The following PLXNC1 variants were observed in gnomAD, a reference collection of about 807,000 sequenced individuals.
The protein encoded by PLXNC1 is plexin C1, also known as plexin-C1.
PLXNC1 carries 75 observed loss-of-function variants against 178.2 expected under a neutral mutation model. The observed-to-expected ratio is 0.42, with a 90% CI of 0.35 to 0.51. PLXNC1 has a LOEUF of 0.51. Among genes scored for constraint, PLXNC1 ranks in the 20% least tolerant of loss-of-function variants. The pLI is 0.02. For synonymous variants in PLXNC1, 790 were observed against 779.9 expected (o/e 1.01, Z -0.22); for missense variants, 1,503 against 1,984.4 (o/e 0.76, Z 4.61).
chr12:94,201,979 G>A (rs1265422014), intron 4 of PLXNC1, among the ~76,000 whole-genome samples: 1 of 151,768 alleles, frequency 6.6e-6, no homozygotes, highest in East Asian at 1.9e-4. Flanking sequence ...GGTTGGCCAG[G>A]ATGGTCTTGA....
At chr12:94,286,945 C>T (rs79585797) in intron 23 of PLXNC1, among the ~76,000 whole-genome samples, 3 of 152,136 alleles carry the variant, frequency 2.0e-5, no homozygotes. Flanking sequence ...CTAGATGCAG[C>T]CCCCAGAGCC....
intron 2 of PLXNC1, among the ~76,000 whole-genome samples, chr12:94,181,047 A>G (rs1452544079): frequency 6.6e-6 from 1 of 152,296 alleles, no homozygotes; most frequent in East Asian, 1.9e-4. Context: ...ATTTGTAGTG[A>G]GTGAAAAAGG....
intron 4 of PLXNC1, among the ~76,000 whole-genome samples, chr12:94,198,240 G>C (rs1266966297): frequency 6.6e-6 from 1 of 152,200 alleles, no homozygotes; most frequent in Non-Finnish European, 1.5e-5. Context: ...TGGGGATGTG[G>C]ATGGAGCTGG....
intron 7 of PLXNC1, among the ~76,000 whole-genome samples, chr12:94,225,954 G>C (rs1157962322): frequency 6.6e-6 from 1 of 152,216 alleles, no homozygotes; most frequent in Non-Finnish European, 1.5e-5. Context: ...CCCTGTGCTA[G>C]CACCCCTTGC....
chr12:94,278,571 A>G (rs1966165178), intron 21 of PLXNC1, among the ~76,000 whole-genome samples: 1 of 152,250 alleles, frequency 6.6e-6, no homozygotes. Context: ...ATGTAAAGTA[A>G]TTAATGCAAG....
chr12:94,161,984 T>A (rs1282584622), intron 1 of PLXNC1, among the ~76,000 whole-genome samples: 1 of 152,202 alleles, frequency 6.6e-6, no homozygotes, highest in Non-Finnish European at 1.5e-5. Flanking sequence ...GACAACCTAC[T>A]CCATGCCAGA....
chr12:94,234,976 C>T (rs1446001952), intron 9 of PLXNC1, among the ~76,000 whole-genome samples: 1 of 152,186 alleles, frequency 6.6e-6, no homozygotes, highest in East Asian at 1.9e-4. Context: ...ATGGAGCTGA[C>T]TCTACATTTT....
At chr12:94,157,106 G>A (rs772369278) in intron 1 of PLXNC1, among the ~76,000 whole-genome samples, 24 of 152,186 alleles carry the variant, frequency 1.6e-4, no homozygotes, top group Admixed American at 5.2e-4. Context: ...ATAGAGTTGA[G>A]TCCAGTTCAT....
Position 94,149,188 on chromosome 12 carries a change from G to A in PLXNC1, c.217G>A (p.Glu73Lys), listed in dbSNP as rs535359952. 223 of 1,589,116 alleles carry A rather than the reference G, an allele frequency of 1.4e-4. No individual in the cohort carries two copies. In the South Asian group the frequency reaches 2.3e-3, roughly 17 times the overall value. ...SCLDQLDYSL[E>K]HSLSRLYRDQ... ...CCTGGACCAGCTGGACTACAGCCTGGAGCACAGCCTCTCGCGCCTGTACCG... is the reference window on the plus strand; with the variant it reads ...CCTGGACCAGCTGGACTACAGCCTGAAGCACAGCCTCTCGCGCCTGTACCG... Residue 73 changes from glutamate to lysine, a missense_variant, in exon 1 of 31, where the codon GAG (glutamate) becomes AAG (lysine). By Grantham distance (56) the Glu-to-Lys change is moderately conservative (BLOSUM62 1). Transcript: ENST00000258526.
chr12:94,243,333 C>T (rs561839470), intron 11 of PLXNC1, among the ~76,000 whole-genome samples: 15 of 152,382 alleles, frequency 9.8e-5, no homozygotes, highest in Non-Finnish European at 2.9e-5. Flanking sequence ...GTTTCTTTCA[C>T]ACCCAGTGAC....
rs1964809189 is a variant in PLXNC1, at chr12:94,255,314, A to C, written c.3087+18A>C. On this transcript the variant is annotated intron_variant, in intron 17 of 30. Coordinates refer to ENST00000258526, the MANE Select transcript of PLXNC1 (RefSeq NM_005761.3). ...TCCCTGAGGTAAAAGAGCATTGATC[A>C]TATTCCGAAGGTTGAGTCTTGAATA... The C allele has an allele frequency of 1.3e-6, 2 of 1,504,034 alleles. No individual in the cohort carries two copies. Among genetic ancestry groups the C allele is most frequent in the Non-Finnish European group, 1.9e-6 (2 of 1,079,538 alleles). The allele number at this position is 1,504,034 out of a possible 1,614,324, so 93.2% of individuals were successfully genotyped here. A position where few individuals can be genotyped will look rare whatever the true frequency, so the allele number is the denominator to read the frequency against.
rs552205362 is a variant in PLXNC1, at chr12:94,275,483, G to A, written c.3598-3989G>A. Among the ~76,000 whole-genome samples, 59 of 152,288 alleles carry A rather than the reference G, an allele frequency of 3.9e-4. 1 individual carries two copies. The South Asian group carries it at 0.011, about 27-fold the overall frequency. On this transcript the variant is annotated intron_variant, in intron 21 of 30. Coordinates refer to ENST00000258526, the MANE Select transcript of PLXNC1 (RefSeq NM_005761.3). ...GCTCCCCATCACAGAGCAGAGGCCCGCGTGCACTTTCCCAGCCTGGGGGTG... is the reference window on the plus strand; with the variant it reads ...GCTCCCCATCACAGAGCAGAGGCCCACGTGCACTTTCCCAGCCTGGGGGTG...
At chr12:94,285,948 G>A (rs1413944267) in intron 23 of PLXNC1, among the ~76,000 whole-genome samples, 1 of 152,208 alleles carries the variant, frequency 6.6e-6, no homozygotes, top group Non-Finnish European at 1.5e-5. Context: ...AGAGGCAGGG[G>A]ATGGGGCTAC....
intron 3 of PLXNC1, 90 bp downstream of exon 3, chr12:94,181,670 A>G: frequency 8.5e-7 from 1 of 1,173,790 alleles, no homozygotes; most frequent in Non-Finnish European, 1.3e-6. Context: ...TTTACTTTGA[A>G]CTACAGAGTT....
chr12:94,298,814 A>C lies in PLXNC1; in HGVS notation c.4238+19A>C. On this transcript the variant is annotated intron_variant, in intron 27 of 30. Coordinates refer to ENST00000258526, the MANE Select transcript of PLXNC1 (RefSeq NM_005761.3). The stretch of plus-strand genomic sequence containing the variant: ...CAAACAGGTGGGAATGTAGGTGATT[A>C]GTGACTGTTTTCAAGAATCTGGGAC... 6.2e-7 allele frequency: 1 copy of C among 1,600,072 alleles called. No homozygotes were observed. Among genetic ancestry groups the C allele is most frequent in the Non-Finnish European group, 8.5e-7 (1 of 1,174,662 alleles).
intron 21 of PLXNC1, among the ~76,000 whole-genome samples, chr12:94,271,611 C>G (rs1965576284): frequency 6.6e-6 from 1 of 152,238 alleles, no homozygotes; most frequent in African/African-American, 2.4e-5. Flanking sequence ...CTCAACCTCT[C>G]AAAACCTGTT....
rs1960856164 is a variant in PLXNC1 at position 94,149,373 on chromosome 12, C to T, written c.402C>T (p.Cys134=). ...GCTGGACCTTCGACCGGGGCGCCTG[C>T]GAGGTGCGGCCCCTGGGCAACCTGA... The part of the protein sequence containing the change: ...LTGWTFDRGA[C]EVRPLGNLSR... The change falls in exon 1 of 31, where the codon TGC becomes TGT. Residue 134 remains cysteine (C), a synonymous_variant. Coordinates refer to ENST00000258526, the MANE Select transcript of PLXNC1 (RefSeq NM_005761.3). 1.2e-5 allele frequency: 17 copies of T among 1,423,646 alleles called. No homozygotes were observed. Among genetic ancestry groups the T allele is most frequent in the Non-Finnish European group, 1.5e-5 (17 of 1,099,504 alleles). The allele number at this position is 1,423,646 out of a possible 1,614,324, so 88.2% of individuals were successfully genotyped here.
In PLXNC1 at chr12:94,255,299, A is replaced by G. The variant is rs747253894; in HGVS notation, c.3087+3A>G. ...CTCTGAGAACTTTCTTCCCTGAGGT[A>G]AAAGAGCATTGATCATATTCCGAAG... is the stretch of plus-strand genomic sequence containing the variant. On this transcript the variant is annotated splice_donor_region_variant and intron_variant, in intron 17 of 30. Transcript: ENST00000258526. 1.5e-5 allele frequency: 24 copies of G among 1,564,002 alleles called. No individual in the cohort carries two copies. The highest frequency in any genetic ancestry group is 1.1e-5 in the Non-Finnish European group (12 of 1,134,132).
rs1270279833 is a variant in PLXNC1, at chr12:94,227,193, A to G, written c.1938A>G (p.Arg646=). The G allele has an allele frequency of 1.2e-6, 2 of 1,613,396 alleles. No individual in the cohort carries two copies. The highest frequency in any genetic ancestry group is 1.7e-6 in the Non-Finnish European group (2 of 1,179,334). ...VAVEKTSGGG[R]PKENKGNRTN... ...TCGAGAAGACATCAGGAGGAGGAAG[A>G]CCCAAGGAGAACAAGGGGAACAGAA... The change falls in exon 9 of 31, where the codon AGA becomes AGG. Residue 646 remains arginine, a synonymous_variant. Coordinates refer to ENST00000258526, the MANE Select transcript of PLXNC1 (RefSeq NM_005761.3).
Sources: allele counts gnomAD v4.1 joint callset (sites outside exome capture counted in the v4.1 genomes callset), GRCh38; gene constraint gnomAD v4.1.1; transcripts MANE v1.5; gene names NCBI Gene and HGNC (gene_info 2026-07-23, HGNC 2026-07-21).